The following PCDH9 variants were observed in gnomAD, a reference collection of about 807,000 sequenced individuals.
PCDH9 encodes protocadherin-9.
PCDH9 carries 24 observed loss-of-function variants against 70.6 expected under a neutral mutation model. That is an observed-to-expected ratio of 0.34 (90% confidence interval 0.25 to 0.48). PCDH9 has a LOEUF of 0.48. Ranked by LOEUF, PCDH9 falls within the 20% of genes least tolerant of loss-of-function variation. PCDH9 has a pLI of 0.99. For missense variants in PCDH9, 1,281 were observed against 1,503.6 expected (o/e 0.85, Z 2.45); for synonymous variants, 562 against 558.5 (o/e 1.01, Z -0.09).
intron 3 of PCDH9, among the ~76,000 whole-genome samples, chr13:66,820,209 A>C (rs76713671): frequency 9.2e-5 from 14 of 152,298 alleles, no homozygotes; most frequent in African/African-American, 3.4e-4. Flanking sequence ...ATCAAAAAAA[A>C]CACAAACATA....
chr13:67,205,166 T>C (rs1343823949), intron 2 of PCDH9: 2 of 152,196 alleles, frequency 1.3e-5, no homozygotes, highest in African/African-American at 4.8e-5. Flanking sequence ...CTAAGAATTA[T>C]GCGTTTCCAA....
chr13:66,524,949 A>G (rs923145263), intron 4 of PCDH9, among the ~76,000 whole-genome samples: 1 of 152,056 alleles, frequency 6.6e-6, no homozygotes, highest in Non-Finnish European at 1.5e-5. Context: ...ATTATTTTCT[A>G]TTAAAAATCT....
Position 66,838,745 on chromosome 13 carries a change from CT to C in PCDH9, c.3138+64758del, listed in dbSNP as rs564534808. On this transcript the variant is annotated intron_variant, in intron 3 of 4. Coordinates refer to ENST00000377865, the MANE Select transcript of PCDH9 (RefSeq NM_203487.3). ...TAAATATAAGTGTTGTGACTTTATT[CT>C]TTTTTTCATTTAAAAGGAAAACATG... Among the ~76,000 whole-genome samples, 1,214 of 152,032 alleles carry C rather than the reference CT, an allele frequency of 8.0e-3. 12 individuals are homozygous for C. The highest frequency in any genetic ancestry group is 0.027 in the African/African-American group (1,132 of 41,476).
At chr13:67,132,823 G>C (rs1452300248) in intron 2 of PCDH9, among the ~76,000 whole-genome samples, 1 of 151,984 alleles carries the variant, frequency 6.6e-6, no homozygotes, top group Non-Finnish European at 1.5e-5. Flanking sequence ...ATATCATATA[G>C]AATAAAAATG....
chr13:66,957,115 T>G (rs764561708), intron 2 of PCDH9, among the ~76,000 whole-genome samples: 3 of 152,172 alleles, frequency 2.0e-5, no homozygotes, highest in Non-Finnish European at 4.4e-5. Context: ...CTCCCTTACT[T>G]TGGAAGCTGT....
intron 3 of PCDH9, among the ~76,000 whole-genome samples, chr13:66,834,203 G>T (rs1309276066): frequency 1.4e-5 from 2 of 146,650 alleles, no homozygotes; most frequent in Admixed American, 6.9e-5. Flanking sequence ...TATTGCCAAG[G>T]CTGGAGGGCA....
chr13:67,165,642 AG>A (rs2088092541), intron 2 of PCDH9, among the ~76,000 whole-genome samples: 1 of 152,150 alleles, frequency 6.6e-6, no homozygotes, highest in African/African-American at 2.4e-5. Flanking sequence ...GAAAAAAAAA[AG>A]TTATTCTAAT....
intron 4 of PCDH9, among the ~76,000 whole-genome samples, chr13:66,309,833 T>A (rs1418405317): frequency 6.6e-6 from 1 of 151,786 alleles, no homozygotes; most frequent in African/African-American, 2.4e-5. Context: ...GCATGTGTAA[T>A]CATGTGCATC....
At chr13:67,080,856 G>T (rs2085969909) in intron 2 of PCDH9, among the ~76,000 whole-genome samples, 1 of 152,094 alleles carries the variant, frequency 6.6e-6, no homozygotes, top group Non-Finnish European at 1.5e-5. Context: ...AAGTATACAT[G>T]TATTACCTAT....
intron 4 of PCDH9, among the ~76,000 whole-genome samples, chr13:66,547,879 TATG>T (rs1370795544): frequency 2.2e-4 from 32 of 143,680 alleles, no homozygotes; most frequent in African/African-American, 7.8e-4. Flanking sequence ...TATATAATAA[TATG>T]ATATTTAATC....
At chr13:66,781,115 G>T (rs1013553589) in intron 3 of PCDH9, among the ~76,000 whole-genome samples, 1 of 152,096 alleles carries the variant, frequency 6.6e-6, no homozygotes, top group Non-Finnish European at 1.5e-5. Context: ...GACTTTTCCT[G>T]TAAAGGAATA....
chr13:66,922,194 T>G (rs1200662317), intron 2 of PCDH9, among the ~76,000 whole-genome samples: 1 of 151,320 alleles, frequency 6.6e-6, no homozygotes, highest in East Asian at 1.9e-4. Flanking sequence ...AACAATTGTG[T>G]GGGAAACAAG....
intron 2 of PCDH9, among the ~76,000 whole-genome samples, chr13:66,967,198 C>T (rs2083445620): frequency 6.6e-6 from 1 of 151,936 alleles, no homozygotes; most frequent in Non-Finnish European, 1.5e-5. Context: ...GTATCTAAAT[C>T]CTCATAATGG....
At chr13:66,666,665 A>AT (rs1207787203) in intron 3 of PCDH9, among the ~76,000 whole-genome samples, 2 of 152,122 alleles carry the variant, frequency 1.3e-5, no homozygotes, top group African/African-American at 4.8e-5. Flanking sequence ...TTCCAGAAGA[A>AT]TTGTTCTACA....
At chr13:66,980,741 T>TA (rs2083741594) in intron 2 of PCDH9, among the ~76,000 whole-genome samples, 1 of 132,520 alleles carries the variant, frequency 7.5e-6, no homozygotes, top group African/African-American at 2.9e-5. Context: ...TTTTTTTTTT[T>TA]GTTTTTTTTT....
rs2080206190 is a variant in PCDH9 at position 66,794,323 on chromosome 13, TG to T, written c.3138+109180del. ...GATAGAGCAAGGGAAGAAACATGGA[TG>T]GGAAAGATCCTAGAGTAATCTTTCC... On this transcript the variant is annotated intron_variant, in intron 3 of 4. Transcript: ENST00000377865. Among the ~76,000 whole-genome samples the T allele has an allele frequency of 3.9e-5, 6 of 152,180 alleles. No individual in the cohort carries two copies. The South Asian group carries it at 1.2e-3, about 32-fold the overall frequency.
At chr13:66,471,608 T>C (rs1266208213) in intron 4 of PCDH9, among the ~76,000 whole-genome samples, 1 of 152,220 alleles carries the variant, frequency 6.6e-6, no homozygotes, top group African/African-American at 2.4e-5. Context: ...TTACTTGTGA[T>C]TAATGCATTT....
At chr13:66,528,738 T>C (rs1195560300) in intron 4 of PCDH9, among the ~76,000 whole-genome samples, 1 of 152,138 alleles carries the variant, frequency 6.6e-6, no homozygotes, top group African/African-American at 2.4e-5. Context: ...TCCTTTTTTA[T>C]TTTAAACAGT....
At chr13:66,412,728 G>A (rs563941765) in intron 4 of PCDH9, among the ~76,000 whole-genome samples, 3 of 152,104 alleles carry the variant, frequency 2.0e-5, no homozygotes, top group Non-Finnish European at 4.4e-5. Flanking sequence ...CCAAAAACTT[G>A]TATTTACCTT....
Sources: allele counts gnomAD v4.1 joint callset (sites outside exome capture counted in the v4.1 genomes callset), GRCh38; gene constraint gnomAD v4.1.1; transcripts MANE v1.5; gene names NCBI Gene and HGNC (gene_info 2026-07-23, HGNC 2026-07-21).